The following STK32A variants were observed in gnomAD, a reference collection of about 807,000 sequenced individuals.
STK32A encodes the protein serine/threonine kinase 32A, also known as serine/threonine-protein kinase 32A.
Under a neutral mutation model 53.2 loss-of-function variants are expected in STK32A, and 41 were observed. The ratio of observed to expected loss-of-function variants is 0.77; its 90% CI spans 0.60 to 1.00. STK32A has a LOEUF of 1.00. Ranked by LOEUF, STK32A falls within the 50% of genes least tolerant of loss-of-function variation. The probability of loss-of-function intolerance (pLI) is 0.00; values close to 1 mark genes in which losing one functional copy is unlikely to be tolerated. For missense variants in STK32A, 458 were observed against 485.8 expected (o/e 0.94, Z 0.54); for synonymous variants, 166 against 162.8 (o/e 1.02, Z -0.15).
chr5:147,384,015 A>G lies in STK32A; in HGVS notation c.*32A>G, dbSNP rs1757558144. ...CATGTCTTCTTCTTGGGACAATCTC[A>G]TGCCAGAAACTTCTAATTACATATG... On this transcript the variant is annotated 3_prime_UTR_variant, in exon 13 of 13. Coordinates refer to ENST00000397936, the MANE Select transcript of STK32A (RefSeq NM_001112724.2). The G allele has an allele frequency of 6.3e-7, 1 of 1,586,662 alleles. No homozygotes were observed. Among genetic ancestry groups the G allele is most frequent in the Non-Finnish European group, 8.5e-7 (1 of 1,170,964 alleles).
intron 2 of STK32A, among the ~76,000 whole-genome samples, chr5:147,267,167 G>A (rs910463747): frequency 9.2e-5 from 14 of 152,072 alleles, no homozygotes; most frequent in African/African-American, 3.4e-4. Flanking sequence ...TGGTTGATAA[G>A]CACCTTTGAT....
At chr5:147,318,210 C>T (rs1754109057) in intron 4 of STK32A, among the ~76,000 whole-genome samples, 1 of 152,004 alleles carries the variant, frequency 6.6e-6, no homozygotes, top group African/African-American at 2.4e-5. Flanking sequence ...GTCTTTACAA[C>T]ATATTGTGGA....
chr5:147,280,129 C>T (rs954353880), intron 4 of STK32A, among the ~76,000 whole-genome samples: 4 of 152,076 alleles, frequency 2.6e-5, no homozygotes, highest in African/African-American at 4.8e-5. Context: ...GGTCCACAAG[C>T]AGGCCATTCC....
chr5:147,382,603 T>C (rs1757496115), intron 11 of STK32A, among the ~76,000 whole-genome samples: 2 of 152,184 alleles, frequency 1.3e-5, no homozygotes, highest in African/African-American at 4.8e-5. Context: ...GTTATTGTTT[T>C]TATTTTTATT....
At chr5:147,347,786 A>C (rs1210963624) in intron 6 of STK32A, among the ~76,000 whole-genome samples, 1 of 152,166 alleles carries the variant, frequency 6.6e-6, no homozygotes, top group Admixed American at 6.5e-5. Flanking sequence ...CAAAACACAG[A>C]AGGGAACCTG....
At chr5:147,276,293 T>C (rs1173147489) in intron 2 of STK32A, among the ~76,000 whole-genome samples, 1 of 152,186 alleles carries the variant, frequency 6.6e-6, no homozygotes, top group Admixed American at 6.5e-5. Flanking sequence ...GGATTGTATA[T>C]ATATGTCTAC....
chr5:147,312,959 G>C (rs992708819), intron 4 of STK32A, among the ~76,000 whole-genome samples: 2 of 151,882 alleles, frequency 1.3e-5, no homozygotes, highest in Non-Finnish European at 2.9e-5. Flanking sequence ...ACTACTACTG[G>C]GCTAGATGTG....
intron 5 of STK32A, among the ~76,000 whole-genome samples, chr5:147,332,821 T>C (rs542018493): frequency 2.6e-5 from 4 of 152,324 alleles, no homozygotes; most frequent in African/African-American, 9.6e-5. Context: ...AATTACACAT[T>C]GTGAAAACAG....
rs1241068891 is a variant in STK32A at position 147,239,517 on chromosome 5, A to G, written c.-96-22A>G. On this transcript the variant is annotated intron_variant, in intron 1 of 12. Transcript: ENST00000397936. ...CTAGAGTATAGCATATTATTAGGGT[A>G]CTATTTCTTTTCCTATCCTAGATAT... 9.7e-6 allele frequency: 7 copies of G among 720,622 alleles called. No homozygotes were observed. In the East Asian group the frequency reaches 1.9e-4, roughly 20 times the overall value. The allele number at this position is 720,622 out of a possible 1,614,324, so 44.6% of individuals were successfully genotyped here. A position where few individuals can be genotyped will look rare whatever the true frequency, so the allele number is the denominator to read the frequency against.
At chr5:147,303,723 A>G (rs1753255530) in intron 4 of STK32A, among the ~76,000 whole-genome samples, 1 of 152,252 alleles carries the variant, frequency 6.6e-6, no homozygotes, top group South Asian at 2.1e-4. Flanking sequence ...ACTCAGAGCC[A>G]CATGATGTTA....
intron 4 of STK32A, among the ~76,000 whole-genome samples, chr5:147,293,951 T>C (rs1294916069): frequency 1.3e-5 from 2 of 152,196 alleles, no homozygotes; most frequent in Non-Finnish European, 2.9e-5. Context: ...CTAATTTTAA[T>C]TAAACATTAT....
chr5:147,238,688 CAT>C (rs1722710780), intron 1 of STK32A, among the ~76,000 whole-genome samples: 1 of 151,856 alleles, frequency 6.6e-6, no homozygotes, highest in African/African-American at 2.4e-5. Flanking sequence ...TGTGATATAA[CAT>C]ACGTATGATA....
At chr5:147,264,133 T>G (rs1754704871) in intron 2 of STK32A, among the ~76,000 whole-genome samples, 1 of 152,198 alleles carries the variant, frequency 6.6e-6, no homozygotes, top group Non-Finnish European at 1.5e-5. Context: ...CATGGATATA[T>G]AATATTTCAA....
downstream of STK32A, among the ~76,000 whole-genome samples, chr5:147,389,506 G>A (rs545319853): frequency 6.6e-6 from 1 of 152,256 alleles, no homozygotes; most frequent in East Asian, 1.9e-4. Flanking sequence ...GGGAACTATT[G>A]AGGGACTCTC....
At chr5:147,276,688 T>C (rs1755274657) in intron 2 of STK32A, among the ~76,000 whole-genome samples, 1 of 152,188 alleles carries the variant, frequency 6.6e-6, no homozygotes, top group Admixed American at 6.6e-5. Context: ...CCCACCCTCA[T>C]TAAGCTTATG....
At chr5:147,300,212 T>G (rs1753063544) in intron 4 of STK32A, among the ~76,000 whole-genome samples, 1 of 152,200 alleles carries the variant, frequency 6.6e-6, no homozygotes, top group African/African-American at 2.4e-5. Context: ...TGATAGGGAT[T>G]ATTATTCCCA....
At chr5:147,330,636 A>C (rs988834893) in intron 5 of STK32A, among the ~76,000 whole-genome samples, 5 of 152,208 alleles carry the variant, frequency 3.3e-5, no homozygotes, top group Non-Finnish European at 7.3e-5. Context: ...AGAAGTGAGG[A>C]GGTTTCAACA....
chr5:147,396,885 A>T, the STK32A span, among the ~76,000 whole-genome samples: 3 of 141,684 alleles, frequency 2.1e-5, no homozygotes, highest in Admixed American at 7.3e-5. Context: ...ATATATATAT[A>T]GTGTGTGTAT....
At chr5:147,236,597 T>C (rs1425828724) in intron 1 of STK32A, among the ~76,000 whole-genome samples, 1 of 152,138 alleles carries the variant, frequency 6.6e-6, no homozygotes. Context: ...TAAACTGGAT[T>C]GTGTATGTTA....
Sources: allele counts gnomAD v4.1 joint callset (sites outside exome capture counted in the v4.1 genomes callset), GRCh38; gene constraint gnomAD v4.1.1; transcripts MANE v1.5; gene names NCBI Gene and HGNC (gene_info 2026-07-23, HGNC 2026-07-21).